CSMD1: variants seen among roughly 807,000 people sequenced by gnomAD.
CSMD1 encodes CUB and sushi domain-containing protein 1.
In CSMD1, 213 loss-of-function variants were observed where a neutral mutation model predicts 417.5. That is an observed-to-expected ratio of 0.51 (90% CI 0.46 to 0.57). The LOEUF is 0.57. CSMD1 is among the 20% of genes least tolerant of loss of function. The pLI, the probability that CSMD1 is intolerant of heterozygous loss-of-function variation, is 0.00. For synonymous variants in CSMD1, 2,862 were observed against 1,736.8 expected, an observed-to-expected ratio of 1.65 and a Z score of -16.11; for missense variants, 6,923 against 4,529.7, an observed-to-expected ratio of 1.53 and a Z score of -15.17.
intron 3 of CSMD1, among the ~76,000 whole-genome samples, chr8:4,332,734 T>G (rs556498324): frequency 1.3e-5 from 2 of 152,126 alleles, no homozygotes; most frequent in African/African-American, 4.8e-5. Flanking sequence ...CAGTGTGAGT[T>G]ACCATTCTTA....
At chr8:4,710,378 G>A (rs1032135572) in intron 1 of CSMD1, among the ~76,000 whole-genome samples, 1 of 146,732 alleles carries the variant, frequency 6.8e-6, no homozygotes, top group Admixed American at 6.8e-5. Flanking sequence ...AACATATGAA[G>A]TAAATAAAAA....
At chr8:4,389,260 A>G (rs995573706) in intron 3 of CSMD1, among the ~76,000 whole-genome samples, 1 of 152,174 alleles carries the variant, frequency 6.6e-6, no homozygotes. Context: ...ATTAAGCATA[A>G]ATGAAGAATA....
chr8:4,770,533 T>G (rs1301275160), intron 1 of CSMD1, among the ~76,000 whole-genome samples: 1 of 151,832 alleles, frequency 6.6e-6, no homozygotes, highest in African/African-American at 2.4e-5. Context: ...AAATCAAAAG[T>G]TGAAGGCATT....
chr8:4,923,038 G>C (rs1806601879), intron 1 of CSMD1, among the ~76,000 whole-genome samples: 1 of 151,964 alleles, frequency 6.6e-6, no homozygotes, highest in Non-Finnish European at 1.5e-5. Context: ...CTACTACTCA[G>C]GCATAACTCC....
At chr8:3,907,728 G>C (rs924367567) in intron 5 of CSMD1, among the ~76,000 whole-genome samples, 1 of 152,174 alleles carries the variant, frequency 6.6e-6, no homozygotes, top group Non-Finnish European at 1.5e-5. Context: ...GAAGTGTTAT[G>C]TGAGTAATCT....
intron 5 of CSMD1, among the ~76,000 whole-genome samples, chr8:3,962,411 G>A (rs143352634): frequency 6.6e-6 from 1 of 152,156 alleles, no homozygotes; most frequent in Non-Finnish European, 1.5e-5. Flanking sequence ...CTGAATTCAA[G>A]GTCTACCACC....
chr8:4,886,075 C>T (rs1486842817), intron 1 of CSMD1, among the ~76,000 whole-genome samples: 2 of 152,108 alleles, frequency 1.3e-5, no homozygotes, highest in Non-Finnish European at 2.9e-5. Flanking sequence ...ACTGCAACCT[C>T]CGTCTCCCAG....
At chr8:4,672,903 A>C (rs1805417708) in intron 1 of CSMD1, among the ~76,000 whole-genome samples, 1 of 152,152 alleles carries the variant, frequency 6.6e-6, no homozygotes, top group Non-Finnish European at 1.5e-5. Context: ...TGAGACAACA[A>C]ACACATTCAC....
At chr8:4,474,585 G>A (rs1800700746) in intron 2 of CSMD1, among the ~76,000 whole-genome samples, 1 of 152,158 alleles carries the variant, frequency 6.6e-6, no homozygotes, top group Admixed American at 6.5e-5. Flanking sequence ...GAACCTTTAG[G>A]CGGTGTTTCT....
At chr8:4,832,098 C>A (rs775192052) in intron 1 of CSMD1, among the ~76,000 whole-genome samples, 2 of 152,184 alleles carry the variant, frequency 1.3e-5, no homozygotes, top group African/African-American at 4.8e-5. Context: ...TCTTCGGGAA[C>A]CTTTTGTGTA....
At chr8:4,489,095 A>C (rs547790315) in intron 2 of CSMD1, among the ~76,000 whole-genome samples, 1 of 152,118 alleles carries the variant, frequency 6.6e-6, no homozygotes. Flanking sequence ...TATTTTTAGT[A>C]GAGACGGGGT....
intron 1 of CSMD1, among the ~76,000 whole-genome samples, chr8:4,844,184 T>C (rs73183445): frequency 0.019 from 2,914 of 152,234 alleles, 45 homozygotes; most frequent in Non-Finnish European, 0.031. Flanking sequence ...CACGTAGCAC[T>C]GGAAAAAAAA....
chr8:4,110,724 T>A (rs1272340206), intron 3 of CSMD1, among the ~76,000 whole-genome samples: 1 of 152,096 alleles, frequency 6.6e-6, no homozygotes, highest in Non-Finnish European at 1.5e-5. Context: ...TTCCCCTTTC[T>A]CATGCTCTCA....
chr8:4,649,722 G>A (rs140758639), intron 1 of CSMD1, among the ~76,000 whole-genome samples: 60 of 152,336 alleles, frequency 3.9e-4, no homozygotes, highest in South Asian at 1.7e-3. Flanking sequence ...TATCTGAGCC[G>A]AAGGCTAAAT....
intron 1 of CSMD1, among the ~76,000 whole-genome samples, chr8:4,800,287 T>G (rs1265204351): frequency 6.6e-6 from 1 of 151,774 alleles, no homozygotes; most frequent in African/African-American, 2.4e-5. Flanking sequence ...AAAAATTAGC[T>G]GGGCATGGTG....
intron 3 of CSMD1, among the ~76,000 whole-genome samples, chr8:4,185,174 A>G (rs544004732): frequency 2.6e-5 from 4 of 151,762 alleles, no homozygotes; most frequent in African/African-American, 9.7e-5. Flanking sequence ...CAAACGAAGA[A>G]AAAACCAAAA....
At chr8:4,855,856 G>C (rs1340776957) in intron 1 of CSMD1, among the ~76,000 whole-genome samples, 1 of 150,882 alleles carries the variant, frequency 6.6e-6, no homozygotes, top group African/African-American at 2.4e-5. Context: ...TATTATCCAG[G>C]AGAACTTCCC....
intron 3 of CSMD1, among the ~76,000 whole-genome samples, chr8:4,191,268 C>A (rs1271671906): frequency 6.6e-6 from 1 of 151,918 alleles, no homozygotes; most frequent in Non-Finnish European, 1.5e-5. Flanking sequence ...TGGTGGCAGG[C>A]ACCTGTAGTC....
chr8:3,878,049 C>T (rs922811368), intron 5 of CSMD1, among the ~76,000 whole-genome samples: 4 of 151,920 alleles, frequency 2.6e-5, no homozygotes, highest in Non-Finnish European at 5.9e-5. Context: ...CATCTAATTA[C>T]ATATTCATGC....
Sources: gnomAD v4.1 joint callset for allele counts (sites outside exome capture counted in the v4.1 genomes callset) on GRCh38, gnomAD v4.1.1 for gene constraint, MANE v1.5 for transcripts, NCBI Gene and HGNC (gene_info 2026-07-23, HGNC 2026-07-21) for gene names.